The following LTBP2 variants were observed in gnomAD, a reference collection of about 807,000 sequenced individuals.
LTBP2 encodes the protein latent-transforming growth factor beta-binding protein 2.
A neutral mutation model predicts 210.6 loss-of-function variants in LTBP2; 103 were observed. That is an observed-to-expected ratio of 0.49 (90% CI 0.42 to 0.58). The LOEUF (loss-of-function observed/expected upper bound fraction) is 0.58, where lower values mean the gene tolerates loss of function less well. LTBP2 is among the 20% of genes least tolerant of loss of function. LTBP2 has a pLI of 0.00. For synonymous variants in LTBP2, 1,007 were observed against 1,015.0 expected (o/e 0.99, Z 0.15); for missense variants, 2,313 against 2,494.5 (o/e 0.93, Z 1.55).
At chr14:74,572,340 A>AGT (rs1555352301) in intron 3 of LTBP2, among the ~76,000 whole-genome samples, 42 of 147,070 alleles carry the variant, frequency 2.9e-4, no homozygotes, top group African/African-American at 7.8e-4. Context: ...AGAGAGAGAG[A>AGT]GTGTGTGTGT....
intron 2 of LTBP2, among the ~76,000 whole-genome samples, chr14:74,588,695 C>T (rs2088242211): frequency 6.6e-6 from 1 of 152,224 alleles, no homozygotes; most frequent in East Asian, 1.9e-4. Flanking sequence ...ATGAGTGTGA[C>T]AATAGGCCTG....
At chr14:74,603,108 G>A (rs1212827093) in intron 2 of LTBP2, among the ~76,000 whole-genome samples, 2 of 152,340 alleles carry the variant, frequency 1.3e-5, no homozygotes, top group Middle Eastern at 3.4e-3. Flanking sequence ...TTTGATTTGA[G>A]AAGCTGTGTC....
In LTBP2 at chr14:74,575,053, G is replaced by A. The variant is rs577104626; in HGVS notation, c.830+10801C>T. On this transcript the variant is annotated intron_variant, in intron 3 of 35. Transcript: ENST00000261978. ...AGGAAGAGGTTGCCGGCTTTATCAC[G>A]CAGAAGAAGGAAGGCACACTGGCCC... Among the ~76,000 whole-genome samples the A allele has an allele frequency of 7.2e-5, 11 of 152,268 alleles. No individual in the cohort carries two copies. In the South Asian group the frequency reaches 1.0e-3, roughly 14 times the overall value.
rs759832181 is a variant in LTBP2, at chr14:74,506,870, T to C, written c.3908-47A>G. ...GATAGAGGATGTGTGTGTGTGTGTG[T>C]GTGTGTGTGCGCGCGCGCGTGTGTG... is the stretch of plus-strand genomic sequence containing the variant. On this transcript the variant is annotated intron_variant, in intron 26 of 35. Transcript: ENST00000261978. 384 of 1,550,398 alleles carry C rather than the reference T, an allele frequency of 2.5e-4. 4 individuals are homozygous for C. In the African/African-American group the frequency reaches 5.6e-3, roughly 23 times the overall value.
intron 2 of LTBP2, among the ~76,000 whole-genome samples, chr14:74,600,356 G>A (rs948097232): frequency 6.6e-6 from 1 of 152,184 alleles, no homozygotes; most frequent in African/African-American, 2.4e-5. Context: ...ACCGGGGGCA[G>A]CAGGGTGAGA....
intron 3 of LTBP2, among the ~76,000 whole-genome samples, chr14:74,585,441 T>C (rs1243289872): frequency 2.0e-5 from 3 of 152,216 alleles, no homozygotes; most frequent in Non-Finnish European, 4.4e-5. Context: ...CGACAATTCA[T>C]AGCACAGGTA....
intron 34 of LTBP2, among the ~76,000 whole-genome samples, chr14:74,502,161 A>G (rs1041276804): frequency 6.6e-6 from 1 of 152,160 alleles, no homozygotes; most frequent in African/African-American, 2.4e-5. Context: ...TGCATGGCAC[A>G]GTGCTAGGCT....
At chr14:74,527,512 CCTGCCT>C in intron 12 of LTBP2, 146 bp from the exon 13 acceptor site, 2 of 853,270 alleles carry the variant, frequency 2.3e-6, no homozygotes, top group Non-Finnish European at 3.8e-6. Flanking sequence ...ACTCTTCTTA[CCTGCCT>C]CTGCCCCATC....
chr14:74,531,298 C>A (rs572027473), intron 10 of LTBP2, among the ~76,000 whole-genome samples: 6 of 152,186 alleles, frequency 3.9e-5, no homozygotes, highest in African/African-American at 1.4e-4. Context: ...AAAGGACACT[C>A]GAGAGCCATC....
chr14:74,568,805 G>T (rs2087936389), intron 3 of LTBP2, among the ~76,000 whole-genome samples: 2 of 152,166 alleles, frequency 1.3e-5, no homozygotes, highest in South Asian at 4.2e-4. Flanking sequence ...ACGAATCTTT[G>T]CACCATCTTG....
chr14:74,581,408 C>T (rs1420063551), intron 3 of LTBP2, among the ~76,000 whole-genome samples: 1 of 151,874 alleles, frequency 6.6e-6, no homozygotes, highest in East Asian at 1.9e-4. Flanking sequence ...GACATAGGCC[C>T]CTAAAAGTAG....
chr14:74,505,697 G>C (rs145618116), intron 28 of LTBP2, among the ~76,000 whole-genome samples: 2 of 152,132 alleles, frequency 1.3e-5, no homozygotes, highest in Non-Finnish European at 2.9e-5. Context: ...GGGAGAGCCC[G>C]GTTTAGTTCA....
At chr14:74,578,654 C>G (rs1402746273) in intron 3 of LTBP2, among the ~76,000 whole-genome samples, 1 of 152,142 alleles carries the variant, frequency 6.6e-6, no homozygotes, top group Non-Finnish European at 1.5e-5. Flanking sequence ...GCCAGCCAAG[C>G]CTGAACCCGC....
intron 2 of LTBP2, among the ~76,000 whole-genome samples, chr14:74,592,986 G>C (rs1307245863): frequency 6.6e-6 from 1 of 152,184 alleles, no homozygotes; most frequent in Non-Finnish European, 1.5e-5. Flanking sequence ...CTGAGCATTA[G>C]AGAGGTGGAA....
At position 74,516,909 on chromosome 14, in the gene LTBP2, T is replaced by A; in HGVS notation, c.2821A>T (p.Ser941Cys). 1.3e-6 allele frequency: 2 copies of A among 1,551,928 alleles called. No homozygotes were observed. Among genetic ancestry groups the A allele is most frequent in the Middle Eastern group, 3.3e-4 (2 of 5,992 alleles). The part of the protein sequence containing the change: ...INECEQPGVC[S>C]GGQCTNTEGS... ...TCGGTGTTGGTGCACTGCCCCCCGC[T>A]GCACACCCCTGGCTGCTCACACTCA... The change falls in exon 18 of 36, where the codon AGC becomes TGC. Residue 941 changes from serine (S) to cysteine (C), a missense_variant. Physicochemically the swap from Ser to Cys is moderately radical, Grantham distance 112. This residue lies in a region of LTBP2 where 1,867 missense variants were observed against 1,976.9 expected (regional missense o/e 0.94). Coordinates refer to ENST00000261978, the MANE Select transcript of LTBP2 (RefSeq NM_000428.3).
Position 74,498,772 on chromosome 14 carries a change from C to T in LTBP2, c.*2112G>A, listed in dbSNP as rs949885665. On this transcript the variant is annotated 3_prime_UTR_variant, in exon 36 of 36. Transcript: ENST00000261978. ...GGCAAGGATGAGGTGAACAGACAACCGCTTCTCTTTCCCCATTCTTTAGAC... is the reference window on the plus strand; with the variant it reads ...GGCAAGGATGAGGTGAACAGACAACTGCTTCTCTTTCCCCATTCTTTAGAC... The T allele has an allele frequency of 2.2e-5, 5 of 230,970 alleles. No homozygotes were observed. The highest frequency in any genetic ancestry group is 1.8e-4 in the South Asian group (1 of 5,492). 14.3% of individuals were successfully genotyped at this position (230,970 alleles called of 1,614,324 possible).
In LTBP2 at chr14:74,557,967, G is replaced by C. The variant is rs535171281; in HGVS notation, c.831-2274C>G. Reference sequence around the variant, plus strand: ...CATCCCTTCCCCCAGTAGGTCCCATGCCAACCCTCCCCACTGGTTTCCTTG... The same window carrying C: ...CATCCCTTCCCCCAGTAGGTCCCATCCCAACCCTCCCCACTGGTTTCCTTG... On this transcript the variant is annotated intron_variant, in intron 3 of 35. Transcript: ENST00000261978. Among the ~76,000 whole-genome samples the C allele has an allele frequency of 7.2e-5, 11 of 152,270 alleles. No homozygotes were observed. The South Asian group carries it at 2.1e-3, about 29-fold the overall frequency.
rs199581921 is a variant in LTBP2, at chr14:74,603,635, G to A, written c.565C>T (p.Pro189Ser). The change falls in exon 2 of 36, where the codon CCC (proline) becomes TCC (serine). Residue 189 changes from proline to serine, a missense_variant and splice_region_variant. Physicochemically the swap from Pro to Ser is moderately conservative, Grantham distance 74. Transcript: ENST00000261978. ...TANSTNHCIK[P>S]VCEPPCQNRG... is the part of the protein sequence containing the mutation. ...GTCTGCTACTGGTGGAGGCACTCAC[G>A]TTTGATACAGTGGTTGGTGCTGTTT... The A allele has an allele frequency of 1.5e-4, 245 of 1,614,080 alleles. No individual in the cohort carries two copies. Among genetic ancestry groups the A allele is most frequent in the Non-Finnish European group, 1.9e-4 (224 of 1,180,030 alleles).
chr14:74,601,723 C>A (rs1489253350), intron 2 of LTBP2, among the ~76,000 whole-genome samples: 6 of 152,154 alleles, frequency 3.9e-5, no homozygotes, highest in African/African-American at 1.4e-4. Context: ...GCATCGCATC[C>A]CATCAAGTGG....
Sources: allele counts gnomAD v4.1 joint callset (sites outside exome capture counted in the v4.1 genomes callset), GRCh38; gene constraint gnomAD v4.1.1; regional missense constraint gnomAD v4.1.1; transcripts MANE v1.5; gene names NCBI Gene and HGNC (gene_info 2026-07-23, HGNC 2026-07-21).